PIWIL1: variants seen among roughly 807,000 people sequenced by gnomAD.
PIWIL1 encodes the protein piwi-like protein 1.
A neutral mutation model predicts 114.4 loss-of-function variants in PIWIL1; 73 were observed. That is an observed-to-expected ratio of 0.64 (90% confidence interval 0.53 to 0.78). PIWIL1 has a LOEUF of 0.78. PIWIL1 is among the 30% of genes least tolerant of loss of function. The pLI is 0.00. For missense variants in PIWIL1, 723 were observed against 1,063.1 expected, an observed-to-expected ratio of 0.68 and a Z score of 4.45; for synonymous variants, 375 against 369.0, an observed-to-expected ratio of 1.02 and a Z score of -0.19.
At chr12:130,355,744 G>C (rs568861063) in intron 12 of PIWIL1, 77 bp downstream of exon 12, 12 of 1,008,170 alleles carry the variant, frequency 1.2e-5, no homozygotes, top group Non-Finnish European at 1.7e-5. Flanking sequence ...GGAGTACAGT[G>C]GTGCAATCTC....
At chr12:130,400,620 T>C in the PIWIL1 span, among the ~76,000 whole-genome samples, 1 of 152,116 alleles carries the variant, frequency 6.6e-6, no homozygotes, top group African/African-American at 2.4e-5. Flanking sequence ...GTTTATATGG[T>C]CTAGGAAATG....
intron 12 of PIWIL1, among the ~76,000 whole-genome samples, chr12:130,355,969 T>A (rs1286645317): frequency 1.3e-5 from 2 of 151,958 alleles, no homozygotes; most frequent in Non-Finnish European, 2.9e-5. Flanking sequence ...GGAGAAAACG[T>A]GGAAGCCCTA....
the PIWIL1 span, chr12:130,419,541 T>A: frequency 6.6e-6 from 1 of 152,262 alleles, no homozygotes; most frequent in South Asian, 2.1e-4. The surrounding 1 kb of genome is among the most constrained non-coding windows in gnomAD (Gnocchi z 4.3). Context: ...CTTTTGATTT[T>A]TTTTATTGCA....
At chr12:130,338,976 T>A (rs2072812465) in intron 1 of PIWIL1, among the ~76,000 whole-genome samples, 1 of 151,694 alleles carries the variant, frequency 6.6e-6, no homozygotes, top group African/African-American at 2.4e-5. Context: ...CGGCCGTGCG[T>A]GAGACTGCGG....
intron 1 of PIWIL1, chr12:130,339,772 C>G (rs189135265): frequency 6.6e-6 from 1 of 152,172 alleles, no homozygotes; most frequent in Non-Finnish European, 1.5e-5. Flanking sequence ...AGCTGGAGGG[C>G]TGCTTCCAGT....
At chr12:130,413,975 C>T in the PIWIL1 span, 3 of 846,758 alleles carry the variant, frequency 3.5e-6, no homozygotes, top group African/African-American at 3.4e-5. Context: ...CCCTTGCCGT[C>T]ACAGCACCAT....
intron 14 of PIWIL1, among the ~76,000 whole-genome samples, chr12:130,360,629 A>C (rs71466499): frequency 2.0e-5 from 3 of 152,158 alleles, no homozygotes; most frequent in African/African-American, 7.2e-5. Flanking sequence ...GCAAAACTCC[A>C]TCTCAAAAAC....
At chr12:130,338,185 G>C (rs973754429) in intron 1 of PIWIL1, 39 bp downstream of exon 1, 48 of 319,306 alleles carry the variant, frequency 1.5e-4, no homozygotes, top group Non-Finnish European at 2.7e-4. Flanking sequence ...TGCGGGGGCC[G>C]GGATGCGGGG....
chr12:130,374,490 T>A (rs569349007), downstream of PIWIL1, among the ~76,000 whole-genome samples: 1 of 152,302 alleles, frequency 6.6e-6, no homozygotes, highest in South Asian at 2.1e-4. Flanking sequence ...TCAAGAGTAG[T>A]CAGGAGGGAG....
At chr12:130,365,811 T>C (rs11060842) in intron 18 of PIWIL1, among the ~76,000 whole-genome samples, 46,658 of 152,222 alleles carry the variant, frequency 0.31, 9,102 homozygotes, top group Non-Finnish European at 0.43. Context: ...CAAGGCCCTA[T>C]GCTGAACTTA....
chr12:130,413,174 A>G, the PIWIL1 span, among the ~76,000 whole-genome samples: 1 of 152,192 alleles, frequency 6.6e-6, no homozygotes, highest in Non-Finnish European at 1.5e-5. Context: ...ATGGGTTCCT[A>G]CGTAACAAGA....
At chr12:130,417,144 G>A in the PIWIL1 span, among the ~76,000 whole-genome samples, 1 of 152,098 alleles carries the variant, frequency 6.6e-6, no homozygotes, top group Non-Finnish European at 1.5e-5. Flanking sequence ...ACCATTGGAG[G>A]GAACGGAAAT....
the PIWIL1 span, among the ~76,000 whole-genome samples, chr12:130,421,404 C>T: frequency 6.6e-6 from 1 of 152,166 alleles, no homozygotes; most frequent in East Asian, 1.9e-4. Flanking sequence ...AATCTAAAAG[C>T]TGTGAAGATG....
chr12:130,410,995 A>C, the PIWIL1 span, among the ~76,000 whole-genome samples: 22 of 152,194 alleles, frequency 1.4e-4, no homozygotes, highest in Admixed American at 1.1e-3. Flanking sequence ...CTCTCTGTCC[A>C]TGTATTTAGG....
chr12:130,339,138 G>T (rs369571096), intron 1 of PIWIL1, among the ~76,000 whole-genome samples: 5 of 152,114 alleles, frequency 3.3e-5, no homozygotes, highest in African/African-American at 1.2e-4. Flanking sequence ...ACGTTGGGAA[G>T]AGGACGGAAC....
the PIWIL1 span, among the ~76,000 whole-genome samples, chr12:130,415,959 CCA>C: frequency 1.6e-4 from 13 of 81,440 alleles, no homozygotes; most frequent in East Asian, 4.1e-4. Flanking sequence ...TTGACAATAG[CCA>C]CACACACACA....
At chr12:130,347,127 A>G in intron 6 of PIWIL1, 65 bp downstream of exon 6, 1 of 1,171,566 alleles carries the variant, frequency 8.5e-7, no homozygotes, top group Non-Finnish European at 1.3e-6. Context: ...TACATTGAAC[A>G]TCTGCATTCA....
intron 11 of PIWIL1, 142 bp from the exon 12 acceptor site, chr12:130,355,411 T>C (rs908876102): frequency 3.6e-5 from 25 of 694,666 alleles, no homozygotes; most frequent in Non-Finnish European, 6.2e-5. Flanking sequence ...ATTGTGCTCC[T>C]GTGCCAGCTG....
At chr12:130,369,332 A>G (rs1027734883) in intron 19 of PIWIL1, among the ~76,000 whole-genome samples, 1 of 152,050 alleles carries the variant, frequency 6.6e-6, no homozygotes, top group Non-Finnish European at 1.5e-5. Context: ...TGTCTTTGCT[A>G]TTGTGAATAG....
Sources: gnomAD v4.1 joint callset for allele counts (sites outside exome capture counted in the v4.1 genomes callset) on GRCh38, gnomAD v4.1.1 for gene constraint, Gnocchi (gnomAD v3.1) non-coding constraint, MANE v1.5 for transcripts, NCBI Gene and HGNC (gene_info 2026-07-23, HGNC 2026-07-21) for gene names.